Variants in NEBL observed in about 807,000 individuals in gnomAD.
NEBL encodes nebulette, also known as LIM and SH3 protein 2.
In NEBL, 122 loss-of-function variants were observed where a neutral mutation model predicts 140.2. The observed-to-expected ratio is 0.87, with a 90% CI of 0.75 to 1.01. The LOEUF (loss-of-function observed/expected upper bound fraction) is 1.01. NEBL is among the 50% of genes least tolerant of loss of function. The pLI is 0.00. For synonymous variants in NEBL, 436 were observed against 398.9 expected (o/e 1.09, Z -1.11); for missense variants, 1,365 against 1,231.3 (o/e 1.11, Z -1.62).
intron 4 of NEBL, among the ~76,000 whole-genome samples, chr10:20,937,951 C>G (rs1294712651): frequency 6.6e-6 from 1 of 152,208 alleles, no homozygotes; most frequent in African/African-American, 2.4e-5. Flanking sequence ...GAAGCTTGAA[C>G]TGGGTGGAGC....
chr10:21,196,807 T>G (rs1841660098), intron 3 of NEBL, among the ~76,000 whole-genome samples: 1 of 152,256 alleles, frequency 6.6e-6, no homozygotes, highest in African/African-American at 2.4e-5. Context: ...CTCATTGGTA[T>G]CACTTTGACC....
chr10:20,943,867 T>A (rs951787390), intron 4 of NEBL, among the ~76,000 whole-genome samples: 3 of 152,182 alleles, frequency 2.0e-5, no homozygotes, highest in Non-Finnish European at 2.9e-5. Context: ...AACATGGTAA[T>A]TCCAGACAGT....
At chr10:20,853,481 A>G (rs1842741785) in intron 9 of NEBL, among the ~76,000 whole-genome samples, 1 of 152,224 alleles carries the variant, frequency 6.6e-6, no homozygotes, top group Non-Finnish European at 1.5e-5. Flanking sequence ...ACAGCCACAA[A>G]AATGAACGAG....
intron 1 of NEBL, among the ~76,000 whole-genome samples, chr10:21,283,506 G>A (rs554714501): frequency 4.9e-4 from 75 of 152,212 alleles, no homozygotes; most frequent in Non-Finnish European, 7.9e-4. Context: ...TCCAAGAACC[G>A]CCTCTTGGGG....
At chr10:21,183,759 T>C (rs2132207926) in intron 3 of NEBL, among the ~76,000 whole-genome samples, 1 of 152,324 alleles carries the variant, frequency 6.6e-6, no homozygotes, top group Non-Finnish European at 1.5e-5. Context: ...ATGGTTTGGC[T>C]GTGTCGCCAC....
intron 2 of NEBL, chr10:21,028,989 C>T (rs746788618): frequency 8.7e-5 from 52 of 594,902 alleles, no homozygotes; most frequent in African/African-American, 5.6e-4. Flanking sequence ...GTTGCTTTCC[C>T]GCTCCCAACA....
At chr10:21,133,819 C>A (rs929495613) in intron 2 of NEBL, among the ~76,000 whole-genome samples, 1 of 152,122 alleles carries the variant, frequency 6.6e-6, no homozygotes, top group African/African-American at 2.4e-5. Context: ...GCCTCAAATC[C>A]GAGAACCTTA....
chr10:20,895,575 GTTA>G (rs1196347755), intron 2 of NEBL, among the ~76,000 whole-genome samples: 1 of 152,164 alleles, frequency 6.6e-6, no homozygotes, highest in Non-Finnish European at 1.5e-5. Context: ...TGCCAATAGT[GTTA>G]TTGTTGTTGT....
intron 11 of NEBL, 98 bp downstream of exon 11, chr10:20,850,297 G>A: frequency 2.1e-6 from 2 of 973,558 alleles, no homozygotes; most frequent in Non-Finnish European, 1.6e-6. Flanking sequence ...GCCCACAGCA[G>A]CACTCTTCCT....
At chr10:21,022,129 C>T (rs973657530) in intron 2 of NEBL, among the ~76,000 whole-genome samples, 2 of 152,124 alleles carry the variant, frequency 1.3e-5, no homozygotes, top group African/African-American at 2.4e-5. Context: ...GTTCGGCTGG[C>T]GCTGAGGAGA....
At chr10:21,131,039 C>A (rs1839079654) in intron 2 of NEBL, among the ~76,000 whole-genome samples, 1 of 152,020 alleles carries the variant, frequency 6.6e-6, no homozygotes, top group South Asian at 2.1e-4. Context: ...TTACTAATAT[C>A]ATAAATGAAA....
At chr10:21,152,425 G>T (rs1271252836) in intron 2 of NEBL, among the ~76,000 whole-genome samples, 1 of 152,102 alleles carries the variant, frequency 6.6e-6, no homozygotes, top group Non-Finnish European at 1.5e-5. Flanking sequence ...CAGGCTACAA[G>T]GACAATAGTA....
intron 3 of NEBL, among the ~76,000 whole-genome samples, chr10:21,008,108 C>T (rs553380122): frequency 1.3e-5 from 2 of 152,022 alleles, no homozygotes; most frequent in East Asian, 1.9e-4. Flanking sequence ...TCCAAGTTAA[C>T]TTTGTTATAT....
chr10:20,808,857 A>G (rs1419174261), intron 25 of NEBL, among the ~76,000 whole-genome samples, 198 bp from the exon 26 acceptor site: 1 of 152,200 alleles, frequency 6.6e-6, no homozygotes, highest in Non-Finnish European at 1.5e-5. Context: ...CCATCGTTTT[A>G]TGCTCTTTTA....
chr10:21,224,291 T>C (rs1230044271), intron 3 of NEBL, among the ~76,000 whole-genome samples: 1 of 152,246 alleles, frequency 6.6e-6, no homozygotes, highest in African/African-American at 2.4e-5. Context: ...CAATGCATGT[T>C]CTTGGCACTT....
intron 4 of NEBL, among the ~76,000 whole-genome samples, chr10:20,936,668 C>T (rs535032799): frequency 6.6e-6 from 1 of 152,212 alleles, no homozygotes; most frequent in Admixed American, 6.5e-5. Flanking sequence ...TTGGCAACTT[C>T]TCACTGAATC....
intron 11 of NEBL, among the ~76,000 whole-genome samples, chr10:20,847,072 TC>T (rs986186223): frequency 1.1e-4 from 17 of 152,272 alleles, no homozygotes; most frequent in African/African-American, 3.8e-4. Flanking sequence ...TGTAAGAGGT[TC>T]CTTGAGGAAC....
chr10:21,031,948 T>C (rs1833817976), intron 2 of NEBL, among the ~76,000 whole-genome samples: 1 of 152,142 alleles, frequency 6.6e-6, no homozygotes. Context: ...TTATATGAGA[T>C]AACAAGAAAA....
chr10:21,035,769 AACCTCCCACCCAAAGCCCAGCTGAAAT>A (rs1833990522), intron 2 of NEBL, among the ~76,000 whole-genome samples: 1 of 152,204 alleles, frequency 6.6e-6, no homozygotes, highest in Non-Finnish European at 1.5e-5. Flanking sequence ...TCAAATGGCA[AACCTCCCACCCAAAGCCCAGCTGAAAT>A]ATTTTTAAAT....
Sources: allele counts gnomAD v4.1 joint callset (sites outside exome capture counted in the v4.1 genomes callset), GRCh38; gene constraint gnomAD v4.1.1; transcripts MANE v1.5; gene names NCBI Gene and HGNC (gene_info 2026-07-23, HGNC 2026-07-21).